The following FAM135B variants were observed in gnomAD, a reference collection of about 807,000 sequenced individuals.
The protein encoded by FAM135B is family with sequence similarity 135 member B, also known as protein FAM135B.
In FAM135B, 43 loss-of-function variants were observed where a neutral mutation model predicts 127.7. That is an observed-to-expected ratio of 0.34 (90% confidence interval 0.26 to 0.43). The LOEUF (loss-of-function observed/expected upper bound fraction) is 0.43. Among genes scored for constraint, FAM135B ranks in the 20% least tolerant of loss-of-function variants. The pLI, the probability that FAM135B is intolerant of heterozygous loss-of-function variation, is 1.00. For synonymous variants in FAM135B, 670 were observed against 665.1 expected, an observed-to-expected ratio of 1.01 and a Z score of -0.11; for missense variants, 1,558 against 1,725.6, an observed-to-expected ratio of 0.90 and a Z score of 1.72.
chr8:138,331,648 A>ACTC (rs1210791676), intron 2 of FAM135B, among the ~76,000 whole-genome samples: 1 of 152,158 alleles, frequency 6.6e-6, no homozygotes, highest in Non-Finnish European at 1.5e-5. Flanking sequence ...TCACCTGATG[A>ACTC]CTAATTAGTG....
At chr8:138,221,914 T>C (rs1819049839) in intron 7 of FAM135B, among the ~76,000 whole-genome samples, 1 of 152,190 alleles carries the variant, frequency 6.6e-6, no homozygotes, top group Admixed American at 6.5e-5. Flanking sequence ...CCACAATGCC[T>C]ATCATTGAAT....
At chr8:138,257,953 A>G (rs140893286) in intron 4 of FAM135B, among the ~76,000 whole-genome samples, 240 of 152,236 alleles carry the variant, frequency 1.6e-3, no homozygotes, top group African/African-American at 5.5e-3. Flanking sequence ...GCTGGCATTT[A>G]GAAACTCATT....
chr8:138,327,115 A>G (rs1512396), intron 2 of FAM135B, among the ~76,000 whole-genome samples: 59,458 of 151,944 alleles, frequency 0.39, 11,835 homozygotes, highest in East Asian at 0.54. Context: ...TTCTACAAGT[A>G]GGCTGTTACC....
chr8:138,285,191 G>T (rs1824582596), intron 3 of FAM135B, among the ~76,000 whole-genome samples: 1 of 113,724 alleles, frequency 8.8e-6, no homozygotes, highest in South Asian at 3.1e-4. Context: ...CTGTCACCCA[G>T]ACTGGAGTGC....
chr8:138,212,550 T>C (rs1818225048), intron 7 of FAM135B, among the ~76,000 whole-genome samples: 1 of 152,208 alleles, frequency 6.6e-6, no homozygotes, highest in African/African-American at 2.4e-5. Flanking sequence ...TATTTCACAA[T>C]TGGATTTGCT....
At chr8:138,454,619 C>T (rs1836674656) in intron 1 of FAM135B, among the ~76,000 whole-genome samples, 3 of 122,288 alleles carry the variant, frequency 2.5e-5, no homozygotes, top group Admixed American at 1.5e-4. Flanking sequence ...TCCTCCATCA[C>T]TCAGGTCTTA....
At position 138,139,108 on chromosome 8, in the gene FAM135B, AAAAC is replaced by A; in HGVS notation, c.3791-16_3791-13del. The A allele has an allele frequency of 2.6e-6, 4 of 1,547,658 alleles. No individual in the cohort carries two copies. The highest frequency in any genetic ancestry group is 3.5e-6 in the Non-Finnish European group (4 of 1,127,818). ...CATGAGCCATAAGCCTAGGAAGACA[AAAAC>A]AAAATAAAAATCAAAAACACAAAAC... On this transcript the variant is annotated splice_polypyrimidine_tract_variant and intron_variant, in intron 17 of 19. Transcript: ENST00000395297.
intron 1 of FAM135B, among the ~76,000 whole-genome samples, chr8:138,371,128 C>T (rs1387153014): frequency 6.6e-6 from 1 of 152,196 alleles, no homozygotes; most frequent in Non-Finnish European, 1.5e-5. Context: ...AACTTGGTTT[C>T]TTGTGAGCTG....
Position 138,137,148 on chromosome 8 carries a change from T to G in FAM135B, c.4014A>C (p.Thr1338=). ...GAGCAAAAATTAAATGTAGCTTACC[T>G]GTGTGTCTGTCTTTGAGGGCAGTTT... The part of the protein sequence containing the change: ...MCKTALKDRH[T]GPVYAEMINN... The change falls in exon 19 of 20, where the codon ACA becomes ACC. Residue 1338 remains threonine, a splice_region_variant and synonymous_variant. Transcript: ENST00000395297. The G allele has an allele frequency of 6.8e-7, 1 of 1,461,820 alleles. No individual in the cohort carries two copies. The highest frequency in any genetic ancestry group is 9.6e-7 in the Non-Finnish European group (1 of 1,040,908). 90.6% of individuals were successfully genotyped at this position (1,461,820 alleles called of 1,614,324 possible).
intron 13 of FAM135B, among the ~76,000 whole-genome samples, chr8:138,150,438 G>C (rs1818026668): frequency 6.6e-6 from 1 of 152,190 alleles, no homozygotes; most frequent in Admixed American, 6.5e-5. Context: ...GGGAGGCCCA[G>C]GCGGGTAGAT....
intron 15 of FAM135B, chr8:138,144,177 T>C (rs1038357346): frequency 6.6e-6 from 1 of 152,246 alleles, no homozygotes; most frequent in African/African-American, 2.4e-5. Context: ...ACACAGCACT[T>C]TGGGAGGCCA....
At chr8:138,363,737 A>G (rs1830577866) in intron 2 of FAM135B, among the ~76,000 whole-genome samples, 1 of 152,224 alleles carries the variant, frequency 6.6e-6, no homozygotes, top group Non-Finnish European at 1.5e-5. Context: ...ATTATCAGGC[A>G]ATATTCTTTC....
chr8:138,297,678 G>A (rs1298126280), intron 3 of FAM135B, among the ~76,000 whole-genome samples: 1 of 152,182 alleles, frequency 6.6e-6, no homozygotes, highest in African/African-American at 2.4e-5. Context: ...ATGAAGAGAA[G>A]GAGGATAGTG....
intron 1 of FAM135B, chr8:138,440,801 C>T (rs1249323416): frequency 6.6e-6 from 1 of 151,682 alleles, no homozygotes; most frequent in Non-Finnish European, 1.5e-5. Context: ...GAAAAAGTGG[C>T]TATGATATTT....
At chr8:138,346,461 T>C (rs1829417246) in intron 2 of FAM135B, among the ~76,000 whole-genome samples, 1 of 152,232 alleles carries the variant, frequency 6.6e-6, no homozygotes, top group African/African-American at 2.4e-5. Flanking sequence ...ATGTGTTACA[T>C]ATATACCATG....
chr8:138,365,126 C>T (rs1191508993), intron 2 of FAM135B, among the ~76,000 whole-genome samples: 9 of 152,102 alleles, frequency 5.9e-5, no homozygotes, highest in South Asian at 2.1e-4. Context: ...GGATTACAGG[C>T]GTGAGTCACC....
At chr8:138,323,055 A>G (rs1046852111) in intron 2 of FAM135B, among the ~76,000 whole-genome samples, 4 of 152,224 alleles carry the variant, frequency 2.6e-5, no homozygotes, top group Non-Finnish European at 5.9e-5. Flanking sequence ...ATTGGCCTCA[A>G]TGGCAATTAC....
intron 3 of FAM135B, among the ~76,000 whole-genome samples, chr8:138,291,490 G>T (rs957201487): frequency 4.6e-5 from 7 of 151,766 alleles, no homozygotes; most frequent in African/African-American, 1.7e-4. Context: ...GGCCATCCAA[G>T]AAAAAAATAT....
chr8:138,341,303 A>C (rs1211748698), intron 2 of FAM135B, among the ~76,000 whole-genome samples: 2 of 152,258 alleles, frequency 1.3e-5, no homozygotes, highest in Admixed American at 6.5e-5. Context: ...AAAATAAGCC[A>C]GTCACAAAAG....
Sources: allele counts gnomAD v4.1 joint callset (sites outside exome capture counted in the v4.1 genomes callset), GRCh38; gene constraint gnomAD v4.1.1; transcripts MANE v1.5; gene names NCBI Gene and HGNC (gene_info 2026-07-23, HGNC 2026-07-21).